PCCA: variants seen among roughly 807,000 people sequenced by gnomAD.
PCCA encodes the protein propionyl-CoA carboxylase alpha chain, mitochondrial.
In PCCA, 74 loss-of-function variants were observed where a neutral mutation model predicts 101.3. That is an observed-to-expected ratio of 0.73 (90% CI 0.61 to 0.89). PCCA has a LOEUF of 0.89. PCCA is among the 40% of genes least tolerant of loss of function. The pLI is 0.00. For missense variants in PCCA, 891 were observed against 907.0 expected, an observed-to-expected ratio of 0.98 and a Z score of 0.23; for synonymous variants, 294 against 313.6, an observed-to-expected ratio of 0.94 and a Z score of 0.66.
At chr13:100,255,443 G>T (rs974979877) in intron 8 of PCCA, among the ~76,000 whole-genome samples, 12 of 152,168 alleles carry the variant, frequency 7.9e-5, no homozygotes, top group Non-Finnish European at 1.5e-5. Context: ...ATTAGTACTG[G>T]AACCAGAAAA....
chr13:100,092,138 G>A (rs988946318), intron 1 of PCCA, among the ~76,000 whole-genome samples: 5 of 151,752 alleles, frequency 3.3e-5, no homozygotes, highest in African/African-American at 9.7e-5. Context: ...TGGCCACCTC[G>A]ATCTTCTGAC....
chr13:100,520,139 C>T (rs1169777924), intron 22 of PCCA, among the ~76,000 whole-genome samples: 2 of 152,174 alleles, frequency 1.3e-5, no homozygotes, highest in African/African-American at 4.8e-5. Context: ...CAGAAAGTTA[C>T]AGAGAAGAAT....
chr13:100,372,493 T>A (rs1031347068), intron 19 of PCCA, among the ~76,000 whole-genome samples: 1 of 152,120 alleles, frequency 6.6e-6, no homozygotes, highest in Admixed American at 6.5e-5. Flanking sequence ...TATGTGAGAG[T>A]TAAACACTTC....
intron 6 of PCCA, among the ~76,000 whole-genome samples, chr13:100,178,987 G>T (rs1174846732): frequency 6.6e-6 from 1 of 151,114 alleles, no homozygotes; most frequent in Non-Finnish European, 1.5e-5. Context: ...TGAGGCAGGA[G>T]AATGGCATGA....
At chr13:100,328,539 T>C (rs912240628) in intron 16 of PCCA, among the ~76,000 whole-genome samples, 5 of 151,444 alleles carry the variant, frequency 3.3e-5, no homozygotes, top group African/African-American at 9.7e-5. Flanking sequence ...ATTTTTATAG[T>C]TCATGGTTTC....
At chr13:100,325,541 G>A (rs2068571589) in intron 16 of PCCA, among the ~76,000 whole-genome samples, 2 of 151,690 alleles carry the variant, frequency 1.3e-5, no homozygotes, top group South Asian at 2.1e-4. Context: ...TTCTGAGGGG[G>A]AAAAAAAAGC....
At chr13:100,389,345 A>T (rs903065151) in intron 19 of PCCA, among the ~76,000 whole-genome samples, 1 of 152,188 alleles carries the variant, frequency 6.6e-6, no homozygotes, top group Non-Finnish European at 1.5e-5. Flanking sequence ...TTTTAGGGAC[A>T]TGGATGGAGC....
At chr13:100,324,210 A>G (rs2068389314) in intron 16 of PCCA, among the ~76,000 whole-genome samples, 1 of 152,174 alleles carries the variant, frequency 6.6e-6, no homozygotes, top group Non-Finnish European at 1.5e-5. Flanking sequence ...ACTTGCTTTC[A>G]TTCCTGTGTA....
intron 22 of PCCA, among the ~76,000 whole-genome samples, chr13:100,516,422 A>G (rs1177825492): frequency 1.3e-5 from 2 of 152,220 alleles, no homozygotes; most frequent in African/African-American, 4.8e-5. Context: ...TTGAGGAAAA[A>G]ATCAGGTAGT....
At chr13:100,126,298 CAG>C (rs914374573) in intron 4 of PCCA, among the ~76,000 whole-genome samples, 6 of 151,202 alleles carry the variant, frequency 4.0e-5, no homozygotes, top group African/African-American at 1.5e-4. Flanking sequence ...TTTTTTTTAA[CAG>C]AGTCATTTAA....
rs1221557976 is a variant in PCCA at position 100,462,341 on chromosome 13, G to C, written c.1899+13036G>C. Among the ~76,000 whole-genome samples, 13 of 152,142 alleles carry C rather than the reference G, an allele frequency of 8.5e-5. 1 individual carries two copies. Among genetic ancestry groups the C allele is most frequent in the Admixed American group, 5.2e-4 (8 of 15,284 alleles). ...TTAGTATTGCAGTGTGATGCATTCT[G>C]AACAAAAATTTAAAAGAAATCATTG... On this transcript the variant is annotated intron_variant, in intron 21 of 23. Coordinates refer to ENST00000376285, the MANE Select transcript of PCCA (RefSeq NM_000282.4).
intron 4 of PCCA, among the ~76,000 whole-genome samples, chr13:100,146,598 A>T (rs186896410): frequency 6.6e-6 from 1 of 152,072 alleles, no homozygotes; most frequent in East Asian, 1.9e-4. Context: ...AATGGTTAAT[A>T]GTTAGAAGAA....
chr13:100,252,001 A>G (rs1594936879), intron 8 of PCCA, among the ~76,000 whole-genome samples: 1 of 152,064 alleles, frequency 6.6e-6, no homozygotes. Context: ...GGGGAGGCTG[A>G]GGGGGTTCAA....
At chr13:100,210,857 C>T (rs1324966700) in intron 7 of PCCA, among the ~76,000 whole-genome samples, 2 of 152,162 alleles carry the variant, frequency 1.3e-5, no homozygotes, top group Non-Finnish European at 2.9e-5. Flanking sequence ...AATAAATATC[C>T]TCAGCTTCTT....
chr13:100,129,457 C>T (rs896845808), intron 4 of PCCA, among the ~76,000 whole-genome samples: 3 of 152,172 alleles, frequency 2.0e-5, no homozygotes, highest in Non-Finnish European at 2.9e-5. Flanking sequence ...GCTTCATCTT[C>T]TCCCTTCCCT....
intron 2 of PCCA, among the ~76,000 whole-genome samples, chr13:100,106,333 C>G (rs183453178): frequency 2.5e-4 from 38 of 152,232 alleles, no homozygotes; most frequent in Non-Finnish European, 5.1e-4. Context: ...ACAGAAATAG[C>G]TAACTGACCT....
At chr13:100,196,844 G>T (rs1441377331) in intron 6 of PCCA, among the ~76,000 whole-genome samples, 1 of 152,148 alleles carries the variant, frequency 6.6e-6, no homozygotes, top group African/African-American at 2.4e-5. Context: ...ATCCATTTAT[G>T]TTCTTATCCT....
chr13:100,515,029 G>A (rs529512415), intron 21 of PCCA, among the ~76,000 whole-genome samples: 3 of 152,314 alleles, frequency 2.0e-5, no homozygotes, highest in East Asian at 1.9e-4. Flanking sequence ...ATCTACTGGC[G>A]CCTGTCCACA....
intron 23 of PCCA, among the ~76,000 whole-genome samples, chr13:100,528,637 G>A (rs930435912): frequency 2.0e-5 from 3 of 152,234 alleles, no homozygotes; most frequent in Non-Finnish European, 4.4e-5. Flanking sequence ...AGAGGCCCAG[G>A]TGTATGCCAG....
Sources: allele counts gnomAD v4.1 joint callset (sites outside exome capture counted in the v4.1 genomes callset), GRCh38; gene constraint gnomAD v4.1.1; transcripts MANE v1.5; gene names NCBI Gene and HGNC (gene_info 2026-07-23, HGNC 2026-07-21).